SHC3: variants seen among roughly 807,000 people sequenced by gnomAD.
SHC3 encodes the protein SHC-transforming protein 3.
Under a neutral mutation model 60.4 loss-of-function variants are expected in SHC3, and 15 were observed. The observed-to-expected ratio is 0.25, with a 90% confidence interval of 0.17 to 0.38. The LOEUF is 0.38. Ranked by LOEUF, SHC3 falls within the 10% of genes least tolerant of loss-of-function variation. The pLI, the probability that SHC3 is intolerant of heterozygous loss-of-function variation, is 1.00. For synonymous variants in SHC3, 294 were observed against 325.9 expected (o/e 0.90, Z 1.05); for missense variants, 677 against 786.1 (o/e 0.86, Z 1.66).
chr9:89,114,208 C>T (rs535040647), intron 1 of SHC3, among the ~76,000 whole-genome samples: 3 of 152,262 alleles, frequency 2.0e-5, no homozygotes, highest in South Asian at 2.1e-4. Context: ...AAAAAACCAA[C>T]GTGGCAGAGT....
At chr9:89,141,998 T>C (rs1309545907) in intron 1 of SHC3, among the ~76,000 whole-genome samples, 1 of 152,150 alleles carries the variant, frequency 6.6e-6, no homozygotes, top group Admixed American at 6.6e-5. Flanking sequence ...TCAGCTCTCA[T>C]GTTTCCCCTT....
At chr9:89,133,461 C>T (rs942891021) in intron 1 of SHC3, among the ~76,000 whole-genome samples, 3 of 152,102 alleles carry the variant, frequency 2.0e-5, no homozygotes, top group African/African-American at 7.2e-5. Context: ...CATATGCACA[C>T]GTATGTTCAC....
At chr9:89,021,804 T>TG (rs1286840039) in intron 11 of SHC3, among the ~76,000 whole-genome samples, 1 of 152,126 alleles carries the variant, frequency 6.6e-6, no homozygotes, top group Non-Finnish European at 1.5e-5. Flanking sequence ...TTTTTAGCCA[T>TG]GGAAAAACTC....
At chr9:89,060,494 CG>C (rs1825069844) in intron 6 of SHC3, among the ~76,000 whole-genome samples, 1 of 151,794 alleles carries the variant, frequency 6.6e-6, no homozygotes, top group African/African-American at 2.4e-5. Context: ...CCAGGAAGGC[CG>C]GTGGTAGAAG....
At chr9:89,078,747 G>A (rs79190566) in intron 2 of SHC3, among the ~76,000 whole-genome samples, 2,718 of 152,238 alleles carry the variant, frequency 0.018, 65 homozygotes, top group African/African-American at 0.063. Flanking sequence ...CCTGGGAGGT[G>A]GGCAAAGGTG....
intron 1 of SHC3, among the ~76,000 whole-genome samples, chr9:89,127,010 AAATTGTCTT>A (rs2118154841): frequency 6.6e-6 from 1 of 152,312 alleles, no homozygotes; most frequent in South Asian, 2.1e-4. Context: ...TTAGCCCTAA[AAATTGTCTT>A]AAGCAGTTAA....
chr9:89,028,638 G>GATAGCT (rs1270437611), intron 11 of SHC3, among the ~76,000 whole-genome samples: 1 of 143,630 alleles, frequency 7.0e-6, no homozygotes, highest in African/African-American at 2.6e-5. Flanking sequence ...TCTCTATATA[G>GATAGCT]ATATCTATAT....
chr9:89,076,840 A>G (rs1027580440), intron 3 of SHC3, among the ~76,000 whole-genome samples: 1 of 152,220 alleles, frequency 6.6e-6, no homozygotes, highest in Non-Finnish European at 1.5e-5. Flanking sequence ...TGTTATTAAA[A>G]ATGAATGTAT....
At position 89,071,216 on chromosome 9, in the gene SHC3, C is replaced by T. The variant is rs1004982179; in HGVS notation, c.766G>A (p.Ala256Thr). 1.2e-5 allele frequency: 19 copies of T among 1,613,894 alleles called. No homozygotes were observed. The highest frequency in any genetic ancestry group is 1.6e-5 in the Non-Finnish European group (19 of 1,179,982). The change falls in exon 5 of 12, where the codon GCC (alanine) becomes ACC (threonine). Residue 256 changes from alanine to threonine, a missense_variant. Transcript: ENST00000375835. ...ANHHMRSISF[A>T]SGGDPDTTDY... ...GTACTTACCGGGTCTCCCCCAGAGG[C>T]GAAGGAGATGGACCGCATGTGGTGA...
rs184424973 is a variant in SHC3, at chr9:89,056,001, C to T, written c.836-3838G>A. Among the ~76,000 whole-genome samples, 199 of 152,288 alleles carry T rather than the reference C, an allele frequency of 1.3e-3. 1 individual carries two copies. Among genetic ancestry groups the T allele is most frequent in the Non-Finnish European group, 1.7e-3 (117 of 68,024 alleles). ...ATAAAAATTTAAGCTGTCTTGTTAGCCGTGAAAGCATTACTCTGTCAGTCA... is the reference window on the plus strand; with the variant it reads ...ATAAAAATTTAAGCTGTCTTGTTAGTCGTGAAAGCATTACTCTGTCAGTCA... On this transcript the variant is annotated intron_variant, in intron 6 of 11. Transcript: ENST00000375835.
intron 2 of SHC3, among the ~76,000 whole-genome samples, chr9:89,084,305 G>A (rs1329183292): frequency 6.6e-6 from 1 of 152,056 alleles, no homozygotes; most frequent in East Asian, 1.9e-4. Context: ...ATACACACAG[G>A]GGTAAATAAA....
chr9:89,058,216 G>A (rs775033075), intron 6 of SHC3, among the ~76,000 whole-genome samples: 2 of 152,230 alleles, frequency 1.3e-5, no homozygotes, highest in Non-Finnish European at 2.9e-5. Flanking sequence ...GGATGGTGGT[G>A]GAGGACATGG....
At chr9:89,123,728 G>A (rs951244097) in intron 1 of SHC3, among the ~76,000 whole-genome samples, 6 of 152,150 alleles carry the variant, frequency 3.9e-5, no homozygotes, top group African/African-American at 1.4e-4. Context: ...CTGGCCAGAG[G>A]AATTTATAAG....
At chr9:89,029,750 C>A (rs9285048) in intron 11 of SHC3, among the ~76,000 whole-genome samples, 57,598 of 151,990 alleles carry the variant, frequency 0.38, 12,935 homozygotes, top group East Asian at 0.97. Flanking sequence ...GTGAGGAAAA[C>A]ATAGCTGTCT....
chr9:89,018,310 TA>T (rs57920346), intron 11 of SHC3, among the ~76,000 whole-genome samples: 135,760 of 151,980 alleles, frequency 0.89, 61,219 homozygotes, highest in East Asian at 1. Flanking sequence ...TATGCAGCCA[TA>T]AAAAAAAGGA....
At chr9:89,106,337 G>T (rs1427585260) in intron 2 of SHC3, among the ~76,000 whole-genome samples, 1 of 152,242 alleles carries the variant, frequency 6.6e-6, no homozygotes, top group Non-Finnish European at 1.5e-5. Context: ...AGACATGGGA[G>T]CCAAGTGCTC....
chr9:89,158,468 A>T lies in SHC3; in HGVS notation c.474+19519T>A, dbSNP rs531847322. On this transcript the variant is annotated intron_variant, in intron 1 of 11. Transcript: ENST00000375835. ...ATATCTTGGTGAATGTTTCATGAAC[A>T]CTTGAAAAGAATGTTTACTCTGCTG... 6.6e-5 allele frequency among the ~76,000 whole-genome samples: 10 copies of T among 152,282 alleles called. 1 individual carries two copies. The South Asian group carries it at 2.1e-3, about 32-fold the overall frequency.
intron 9 of SHC3, among the ~76,000 whole-genome samples, chr9:89,044,730 G>C (rs1203160552): frequency 6.6e-6 from 1 of 152,194 alleles, no homozygotes; most frequent in Non-Finnish European, 1.5e-5. Context: ...GCAATTAGCA[G>C]TTACTTCTTA....
intron 2 of SHC3, among the ~76,000 whole-genome samples, chr9:89,106,247 G>A (rs1404717083): frequency 6.6e-6 from 1 of 152,128 alleles, no homozygotes; most frequent in Non-Finnish European, 1.5e-5. Flanking sequence ...TGCTCCAAGG[G>A]GTCAGGAGTT....
Sources: allele counts gnomAD v4.1 joint callset (sites outside exome capture counted in the v4.1 genomes callset), GRCh38; gene constraint gnomAD v4.1.1; transcripts MANE v1.5; gene names NCBI Gene and HGNC (gene_info 2026-07-23, HGNC 2026-07-21).